PDE10A: variants seen among roughly 807,000 people sequenced by gnomAD.
PDE10A encodes cAMP and cAMP-inhibited cGMP 3',5'-cyclic phosphodiesterase 10A.
In PDE10A, 39 loss-of-function variants were observed where a neutral mutation model predicts 97.7. The ratio of observed to expected loss-of-function variants is 0.40; its 90% CI spans 0.31 to 0.52. The LOEUF (loss-of-function observed/expected upper bound fraction) is 0.52, where lower values mean the gene tolerates loss of function less well. PDE10A is among the 20% of genes least tolerant of loss of function. PDE10A has a pLI of 0.56. For missense variants in PDE10A, 731 were observed against 1,047.8 expected (o/e 0.70, Z 4.17); for synonymous variants, 371 against 376.8 (o/e 0.98, Z 0.18).
chr6:165,447,767 T>C (rs1208898681), intron 5 of PDE10A, among the ~76,000 whole-genome samples: 4 of 152,186 alleles, frequency 2.6e-5, no homozygotes, highest in Admixed American at 6.5e-5. Flanking sequence ...ATAAACATTC[T>C]TATCTGACGG....
chr6:165,846,764 G>T (rs777603822), intron 1 of PDE10A, among the ~76,000 whole-genome samples: 2 of 152,222 alleles, frequency 1.3e-5, no homozygotes, highest in African/African-American at 4.8e-5. Flanking sequence ...AGTGAGAGCC[G>T]CAAGCCCTGT....
intron 2 of PDE10A, among the ~76,000 whole-genome samples, chr6:165,514,455 G>T (rs1781676534): frequency 6.6e-6 from 1 of 152,314 alleles, no homozygotes; most frequent in East Asian, 1.9e-4. Context: ...CTGTATCAGT[G>T]TGTAAACCTG....
chr6:165,794,451 C>A (rs933697021), intron 1 of PDE10A, among the ~76,000 whole-genome samples: 1 of 151,934 alleles, frequency 6.6e-6, no homozygotes, highest in East Asian at 1.9e-4. Flanking sequence ...TACTCACACA[C>A]TCACATGCCC....
At chr6:165,644,656 G>A (rs778237061) in intron 1 of PDE10A, among the ~76,000 whole-genome samples, 20 of 152,286 alleles carry the variant, frequency 1.3e-4, no homozygotes, top group Middle Eastern at 3.4e-3. Flanking sequence ...ACATCACACT[G>A]CATGTACTTC....
chr6:165,449,225 G>A (rs1791095555), intron 4 of PDE10A, among the ~76,000 whole-genome samples: 2 of 152,160 alleles, frequency 1.3e-5, no homozygotes, highest in Non-Finnish European at 2.9e-5. Flanking sequence ...AGCAGTCAAC[G>A]TACCACATAG....
At chr6:165,844,559 C>T (rs1383166575) in intron 1 of PDE10A, among the ~76,000 whole-genome samples, 2 of 152,158 alleles carry the variant, frequency 1.3e-5, no homozygotes, top group Non-Finnish European at 1.5e-5. Flanking sequence ...TTATGAGTTA[C>T]TGTAATTCTA....
At chr6:165,856,995 G>T (rs779810770) in intron 1 of PDE10A, among the ~76,000 whole-genome samples, 1 of 152,104 alleles carries the variant, frequency 6.6e-6, no homozygotes, top group Non-Finnish European at 1.5e-5. Context: ...AGAATGACAG[G>T]TTTCCTCCAT....
chr6:165,835,688 C>T (rs1780046541), intron 1 of PDE10A, among the ~76,000 whole-genome samples: 1 of 152,140 alleles, frequency 6.6e-6, no homozygotes, highest in Admixed American at 6.5e-5. Flanking sequence ...GGCTGAGAGA[C>T]CGGAGCTCCC....
At chr6:165,450,565 T>C (rs558374671) in intron 3 of PDE10A, among the ~76,000 whole-genome samples, 36 of 152,200 alleles carry the variant, frequency 2.4e-4, no homozygotes, top group African/African-American at 7.5e-4. Context: ...ACTATTTATT[T>C]ATTTATTTAT....
chr6:165,469,292 G>A (rs573930044), intron 3 of PDE10A, among the ~76,000 whole-genome samples: 3 of 152,206 alleles, frequency 2.0e-5, no homozygotes, highest in East Asian at 3.9e-4. Flanking sequence ...GTATTTAAGG[G>A]GTCAGTAGGA....
intron 2 of PDE10A, among the ~76,000 whole-genome samples, chr6:165,484,588 A>C (rs2128282713): frequency 6.6e-6 from 1 of 152,260 alleles, no homozygotes; most frequent in South Asian, 2.1e-4. Context: ...GTGGCTGCAA[A>C]TACAGATTAA....
chr6:165,418,070 T>G lies in PDE10A; in HGVS notation c.1796+565A>C, dbSNP rs986083814. On this transcript the variant is annotated intron_variant, in intron 11 of 21. Coordinates refer to ENST00000539869, the MANE Select transcript of PDE10A (RefSeq NM_001385079.1). The surrounding 1 kb of genome is among the most constrained non-coding windows in gnomAD (Gnocchi z 4.8). ...AGCCCCCATGCCTCCATCAACAAAA[T>G]AAACTCCATTCTGTTCATTTAAGTG... 6.6e-6 allele frequency among the ~76,000 whole-genome samples: 1 copy of G among 152,140 alleles called. No individual in the cohort carries two copies. The highest frequency in any genetic ancestry group is 2.4e-5 in the African/African-American group (1 of 41,422).
Position 165,332,717 on chromosome 6 carries a change from T to C in PDE10A, c.*308A>G, listed in dbSNP as rs1781408248. On this transcript the variant is annotated 3_prime_UTR_variant, in exon 22 of 22. Coordinates refer to ENST00000539869, the MANE Select transcript of PDE10A (RefSeq NM_001385079.1). ...CCCCTTCTGGATAATTTTTGTCCAT[T>C]TCCTTTAAGGCCTCAGCAATATTAG... 1 of 315,406 alleles carries C rather than the reference T, an allele frequency of 3.2e-6. No homozygotes were observed. The highest frequency in any genetic ancestry group is 5.8e-6 in the Non-Finnish European group (1 of 172,018). 19.5% of individuals were successfully genotyped at this position (315,406 alleles called of 1,614,324 possible).
intron 1 of PDE10A, among the ~76,000 whole-genome samples, chr6:165,920,573 C>G (rs867738924): frequency 6.6e-6 from 1 of 151,644 alleles, no homozygotes; most frequent in African/African-American, 2.4e-5. Flanking sequence ...CACACACTTA[C>G]ACATACCTGC....
intron 1 of PDE10A, among the ~76,000 whole-genome samples, chr6:165,876,655 T>C (rs989548639): frequency 7.2e-5 from 11 of 152,234 alleles, no homozygotes; most frequent in Admixed American, 5.9e-4. Flanking sequence ...ATATTACTTA[T>C]TGGGGACCTT....
intron 1 of PDE10A, among the ~76,000 whole-genome samples, chr6:165,626,665 G>C (rs1441516697): frequency 6.6e-6 from 1 of 152,130 alleles, no homozygotes; most frequent in African/African-American, 2.4e-5. Flanking sequence ...TCAGGATTAA[G>C]AGAGAAGGTA....
chr6:165,438,740 T>C (rs1790221155), intron 5 of PDE10A, among the ~76,000 whole-genome samples: 1 of 152,026 alleles, frequency 6.6e-6, no homozygotes, highest in African/African-American at 2.4e-5. Context: ...GGAGGACAGC[T>C]TGAAACCAGG....
intron 1 of PDE10A, among the ~76,000 whole-genome samples, chr6:165,970,632 T>C (rs1784640993): frequency 6.6e-6 from 1 of 152,142 alleles, no homozygotes; most frequent in Non-Finnish European, 1.5e-5. Context: ...AAAATAAACT[T>C]AGAGGAAAGA....
At position 165,329,983 on chromosome 6, in the gene PDE10A, C is replaced by T. The variant is rs1010406021; in HGVS notation, c.*3042G>A. ...TCCACATCCATTGTATTTCTTTTGA[C>T]CCTTTTCTAATTAATCAATTCACAT... On this transcript the variant is annotated 3_prime_UTR_variant, in exon 22 of 22. Coordinates refer to ENST00000539869, the MANE Select transcript of PDE10A (RefSeq NM_001385079.1). 6.6e-6 allele frequency: 1 copy of T among 152,132 alleles called. No individual in the cohort carries two copies. The highest frequency in any genetic ancestry group is 2.1e-4 in the South Asian group (1 of 4,828). The allele number at this position is 152,132 out of a possible 1,614,324, so 9.4% of individuals were successfully genotyped here.
Sources: gnomAD v4.1 joint callset for allele counts (sites outside exome capture counted in the v4.1 genomes callset) on GRCh38, gnomAD v4.1.1 for gene constraint, Gnocchi (gnomAD v3.1) non-coding constraint, MANE v1.5 for transcripts, NCBI Gene and HGNC (gene_info 2026-07-23, HGNC 2026-07-21) for gene names.